FHDC1: variants seen among roughly 807,000 people sequenced by gnomAD.
FHDC1 encodes the protein FH2 domain containing 1, also known as FH2 domain-containing protein 1.
FHDC1 carries 25 observed loss-of-function variants against 52.6 expected under a neutral mutation model. That is an observed-to-expected ratio of 0.48 (90% CI 0.35 to 0.66). The LOEUF is 0.66. Ranked by LOEUF, FHDC1 falls within the 30% of genes least tolerant of loss-of-function variation. The pLI, the probability that FHDC1 is intolerant of heterozygous loss-of-function variation, is 0.01. For missense variants in FHDC1, 1,459 were observed against 1,452.8 expected, an observed-to-expected ratio of 1.00 and a Z score of -0.07; for synonymous variants, 616 against 581.5, an observed-to-expected ratio of 1.06 and a Z score of -0.85.
At chr4:152,937,399 G>A (rs1051399637) in intron 1 of FHDC1, among the ~76,000 whole-genome samples, 10 of 152,112 alleles carry the variant, frequency 6.6e-5, no homozygotes, top group Non-Finnish European at 1.5e-4. Context: ...GGCGCAGCGT[G>A]CTAAACCCCC....
intron 1 of FHDC1, among the ~76,000 whole-genome samples, chr4:152,938,169 G>A (rs981553774): frequency 6.7e-6 from 1 of 149,818 alleles, no homozygotes; most frequent in South Asian, 2.1e-4. Context: ...TCTCTCTAGA[G>A]CATCCTTTGG....
the FHDC1 span, among the ~76,000 whole-genome samples, chr4:152,931,298 TA>T: frequency 6.6e-6 from 1 of 152,172 alleles, no homozygotes; most frequent in Non-Finnish European, 1.5e-5. Context: ...GTTTGAATGT[TA>T]TAACAGCCAG....
At position 152,976,441 on chromosome 4, in the gene FHDC1, T is replaced by A; in HGVS notation, c.3150T>A (p.Asp1050Glu). The change falls in exon 12 of 12, where the codon GAT (aspartate) becomes GAA (glutamate). Residue 1050 changes from aspartate to glutamate, a missense_variant. Around this residue, in one of 3 missense-constraint regions of FHDC1, gnomAD observed 939 missense variants for 854.5 expected, o/e 1.10. Transcript: ENST00000511601. ...CCTCCTCTCGAAGCATGAGAACAGA[T>A]CTTCCTCCCGTGGCCAAAGCCCCCG... The part of the protein sequence containing the change: ...VASSSRSMRT[D>E]LPPVAKAPGI... 6.2e-7 allele frequency: 1 copy of A among 1,613,586 alleles called. No individual in the cohort carries two copies. Among genetic ancestry groups the A allele is most frequent in the Admixed American group, 1.7e-5 (1 of 60,018 alleles).
In FHDC1 at chr4:152,975,637, C is replaced by T. The variant is rs138734038; in HGVS notation, c.2346C>T (p.Thr782=). 4 of 1,613,546 alleles carry T rather than the reference C, an allele frequency of 2.5e-6. No homozygotes were observed. The African/African-American group carries it at 4.0e-5, about 16-fold the overall frequency. The stretch of plus-strand genomic sequence containing the variant: ...CGGACACCACCGACTGCTCACTGAC[C>T]CTGGACTGCTCAGAGGGAACCGACT... ...CISDTTDCSL[T]LDCSEGTDSR... The change falls in exon 12 of 12, where the codon ACC becomes ACT. Residue 782 remains threonine, a synonymous_variant. Coordinates refer to ENST00000511601, the MANE Select transcript of FHDC1 (RefSeq NM_001371116.1).
Position 152,976,902 on chromosome 4 carries a change from T to G in FHDC1, c.*179T>G. ...GCCTGTGGACTGCAGCCTGCTGTGC[T>G]GAGCCCTGCTGCAGTCCAGCGTCCA... On this transcript the variant is annotated 3_prime_UTR_variant, in exon 12 of 12. Coordinates refer to ENST00000511601, the MANE Select transcript of FHDC1 (RefSeq NM_001371116.1). The G allele has an allele frequency of 1.4e-6, 1 of 711,190 alleles. No homozygotes were observed. The highest frequency in any genetic ancestry group is 2.9e-5 in the East Asian group (1 of 34,782). 44.1% of individuals were successfully genotyped at this position (711,190 alleles called of 1,614,324 possible).
At position 152,974,899 on chromosome 4, in the gene FHDC1, C is replaced by G. The variant is rs1477998926; in HGVS notation, c.1608C>G (p.Thr536=). ...PSSPSYRPPN[T]RRSRLSLGPS... Reference sequence around the variant, plus strand: ...GCCCCTCCTACCGGCCCCCGAACACCCGCCGCTCCCGCCTCTCCCTGGGTC... The same window carrying G: ...GCCCCTCCTACCGGCCCCCGAACACGCGCCGCTCCCGCCTCTCCCTGGGTC... The change falls in exon 12 of 12, where the codon ACC becomes ACG. Residue 536 remains threonine, a synonymous_variant. Transcript: ENST00000511601. 1 of 1,608,938 alleles carries G rather than the reference C, an allele frequency of 6.2e-7. No homozygotes were observed. Among genetic ancestry groups the G allele is most frequent in the Admixed American group, 1.7e-5 (1 of 59,822 alleles).
In FHDC1 at chr4:152,977,738, CCA is replaced by C. The variant is rs1263546187; in HGVS notation, c.*1017_*1018del. 1 of 152,390 alleles carries C rather than the reference CCA, an allele frequency of 6.6e-6. No homozygotes were observed. The allele number at this position is 152,390 out of a possible 1,614,324, so 9.4% of individuals were successfully genotyped here. A position where few individuals can be genotyped will look rare whatever the true frequency, so the allele number is the denominator to read the frequency against. On this transcript the variant is annotated 3_prime_UTR_variant, in exon 12 of 12. Transcript: ENST00000511601. The stretch of plus-strand genomic sequence containing the variant: ...AAAGTGCTGGGATTACAGGTGTGAG[CCA>C]CCACACTTGGCCAGTATATCCTCAG...
rs753100872 is a variant in FHDC1, at chr4:152,975,902, T to C, written c.2611T>C (p.Ser871Pro). ...AAAGAGAGGCTCCCTGAAAGAGGCG[T>C]CTCCCGGGGCCTCCAAGCCCGGGAG... ...APKRGSLKEA[S>P]PGASKPGSAR... The change falls in exon 12 of 12, where the codon TCT becomes CCT. Residue 871 changes from serine (S) to proline (P), a missense_variant. Transcript: ENST00000511601. The C allele has an allele frequency of 6.6e-7, 1 of 1,511,706 alleles. No homozygotes were observed. The highest frequency in any genetic ancestry group is 8.8e-7 in the Non-Finnish European group (1 of 1,132,008). The allele number at this position is 1,511,706 out of a possible 1,614,324, so 93.6% of individuals were successfully genotyped here.
intron 2 of FHDC1, among the ~76,000 whole-genome samples, chr4:152,947,748 CA>C (rs1739776861): frequency 2.0e-5 from 3 of 150,918 alleles, no homozygotes; most frequent in Non-Finnish European, 4.4e-5. Context: ...ATGTCTGTAG[CA>C]ATATAACATT....
At chr4:152,921,580 TCCTTCCTCCCTCCCTC>T in the FHDC1 span, among the ~76,000 whole-genome samples, 12 of 138,610 alleles carry the variant, frequency 8.7e-5, no homozygotes, top group African/African-American at 3.2e-4. Flanking sequence ...CTTCCTTCCT[TCCTTCCTCCCTCCCTC>T]CCTCCCTCCC....
At position 152,976,471 on chromosome 4, in the gene FHDC1, C is replaced by T. The variant is rs1740889883; in HGVS notation, c.3180C>T (p.Ile1060=). 2.5e-6 allele frequency: 4 copies of T among 1,613,544 alleles called. No individual in the cohort carries two copies. Among genetic ancestry groups the T allele is most frequent in the African/African-American group, 1.3e-5 (1 of 74,946 alleles). Residue 1060 remains isoleucine, a synonymous_variant, in exon 12 of 12, where the codon ATC becomes ATT. Transcript: ENST00000511601. ...CTCCCGTGGCCAAAGCCCCCGGCAT[C>T]ACTCGGACAGTGTCGCAGCGGCAGC... ...DLPPVAKAPG[I]TRTVSQRQLR...
chr4:152,966,565 T>C (rs1740461669), intron 9 of FHDC1, among the ~76,000 whole-genome samples: 1 of 152,138 alleles, frequency 6.6e-6, no homozygotes, highest in Non-Finnish European at 1.5e-5. Flanking sequence ...GTTCAAGTGA[T>C]TCTCCTGCAT....
chr4:152,931,407 T>C (rs1218914567), upstream of FHDC1, among the ~76,000 whole-genome samples: 1 of 150,588 alleles, frequency 6.6e-6, no homozygotes, highest in African/African-American at 2.4e-5. Flanking sequence ...CTCAGTGATA[T>C]CTACAGTTTT....
In FHDC1 at chr4:152,975,716, T is replaced by C. The variant is rs1740842690; in HGVS notation, c.2425T>C (p.Ser809Pro). The part of the protein sequence containing the change: ...EEGGEGDGSM[S>P]SGVGEMGDSQ... ...AGGCGGGGAAGGGGATGGCTCCATG[T>C]CCTCTGGGGTTGGAGAAATGGGGGA... Residue 809 changes from serine to proline, a missense_variant, in exon 12 of 12, where the codon TCC becomes CCC. By Grantham distance (74) the Ser-to-Pro change is moderately conservative. Coordinates refer to ENST00000511601, the MANE Select transcript of FHDC1 (RefSeq NM_001371116.1). The C allele has an allele frequency of 1.9e-6, 3 of 1,602,858 alleles. No individual in the cohort carries two copies. In the East Asian group the frequency reaches 6.7e-5, roughly 36 times the overall value.
chr4:152,925,487 CAGAG>C, the FHDC1 span, among the ~76,000 whole-genome samples: 1 of 152,004 alleles, frequency 6.6e-6, no homozygotes, highest in Non-Finnish European at 1.5e-5. Context: ...TCTCAAGGTA[CAGAG>C]AGAAAGAGTC....
In FHDC1 at chr4:152,976,370, C is replaced by T. The variant is rs1357976624; in HGVS notation, c.3079C>T (p.His1027Tyr). ...PKTPSVPSVP[H>Y]ELPRVPSFAR... ...GACCCCGTCAGTGCCCAGCGTCCCCCACGAACTACCCCGTGTCCCGAGCTT... is the reference window on the plus strand; with the variant it reads ...GACCCCGTCAGTGCCCAGCGTCCCCTACGAACTACCCCGTGTCCCGAGCTT... Residue 1027 changes from histidine to tyrosine, a missense_variant, in exon 12 of 12, where the codon CAC (histidine) becomes TAC (tyrosine). His to Tyr is a moderately conservative substitution (Grantham distance 83). This residue lies in a region of FHDC1 where 939 missense variants were observed against 854.5 expected (regional missense o/e 1.10). Transcript: ENST00000511601. 9 of 1,613,824 alleles carry T rather than the reference C, an allele frequency of 5.6e-6. No individual in the cohort carries two copies. The highest frequency in any genetic ancestry group is 7.6e-6 in the Non-Finnish European group (9 of 1,180,024).
Position 152,976,783 on chromosome 4 carries a change from G to A in FHDC1, c.*60G>A, listed in dbSNP as rs2149964936. The A allele has an allele frequency of 2.8e-6, 4 of 1,441,728 alleles. No individual in the cohort carries two copies. The highest frequency in any genetic ancestry group is 1.5e-5 in the South Asian group (1 of 65,258). The allele number at this position is 1,441,728 out of a possible 1,614,324, so 89.3% of individuals were successfully genotyped here. A position where few individuals can be genotyped will look rare whatever the true frequency, so the allele number is the denominator to read the frequency against. On this transcript the variant is annotated 3_prime_UTR_variant, in exon 12 of 12. Transcript: ENST00000511601. ...GACGGTGAAGACTGACTTCTGGGAC[G>A]AGGATGGGGAAAGAGGCAGCATGTC...
the FHDC1 span, among the ~76,000 whole-genome samples, chr4:152,926,208 C>T: frequency 2.0e-5 from 3 of 148,104 alleles, no homozygotes; most frequent in Admixed American, 1.3e-4. Context: ...TAAAAACAAA[C>T]AAACCAAGGT....
At chr4:152,930,997 A>ACACACACACACACT in the FHDC1 span, among the ~76,000 whole-genome samples, 17 of 113,244 alleles carry the variant, frequency 1.5e-4, no homozygotes, top group East Asian at 2.8e-4. Context: ...ACACACACAC[A>ACACACACACACACT]CTCTCTCTCT....
Sources: allele counts gnomAD v4.1 joint callset (sites outside exome capture counted in the v4.1 genomes callset), GRCh38; gene constraint gnomAD v4.1.1; regional missense constraint gnomAD v4.1.1; transcripts MANE v1.5; gene names NCBI Gene and HGNC (gene_info 2026-07-23, HGNC 2026-07-21).